CLVS1: variants seen among roughly 807,000 people sequenced by gnomAD.
CLVS1 encodes clavesin-1.
A neutral mutation model predicts 33.1 loss-of-function variants in CLVS1; 10 were observed. The observed-to-expected ratio is 0.30, with a 90% CI of 0.19 to 0.51. The LOEUF (loss-of-function observed/expected upper bound fraction) is 0.51. Ranked by LOEUF, CLVS1 falls within the 20% of genes least tolerant of loss-of-function variation. The probability of loss-of-function intolerance (pLI) is 0.97; values close to 1 mark genes in which losing one functional copy is unlikely to be tolerated. For synonymous variants in CLVS1, 163 were observed against 166.1 expected (o/e 0.98, Z 0.14); for missense variants, 343 against 433.4 (o/e 0.79, Z 1.85).
chr8:61,139,958 G>A (rs1434643749), intron 2 of CLVS1, among the ~76,000 whole-genome samples: 1 of 152,156 alleles, frequency 6.6e-6, no homozygotes, highest in Non-Finnish European at 1.5e-5. Context: ...ACACTGTGGA[G>A]GCTGAGCCAC....
chr8:61,138,873 G>C (rs1365632355), intron 2 of CLVS1, among the ~76,000 whole-genome samples: 1 of 152,248 alleles, frequency 6.6e-6, no homozygotes, highest in Non-Finnish European at 1.5e-5. Context: ...TGTACTACCA[G>C]GTGTTGGCTC....
the CLVS1 span, among the ~76,000 whole-genome samples, chr8:60,989,865 C>T: frequency 1.3e-5 from 2 of 151,918 alleles, no homozygotes; most frequent in African/African-American, 4.8e-5. Flanking sequence ...GTGACTCATG[C>T]CTGTAATACC....
At chr8:61,485,827 G>A (rs1039242792) in intron 5 of CLVS1, among the ~76,000 whole-genome samples, 1 of 152,042 alleles carries the variant, frequency 6.6e-6, no homozygotes, top group Non-Finnish European at 1.5e-5. Context: ...CCATCATTCT[G>A]AGCAAACTAT....
At chr8:61,343,874 C>T (rs755001959) in intron 2 of CLVS1, among the ~76,000 whole-genome samples, 6 of 152,146 alleles carry the variant, frequency 3.9e-5, no homozygotes, top group Non-Finnish European at 7.3e-5. Flanking sequence ...CTGTCATCAT[C>T]CTTAATCCAC....
At chr8:61,052,159 T>A (rs972134716), upstream of CLVS1, among the ~76,000 whole-genome samples, 2 of 152,232 alleles carry the variant, frequency 1.3e-5, no homozygotes, top group African/African-American at 4.8e-5. Flanking sequence ...AATTCATTCA[T>A]CAGTCATTGC....
At chr8:61,435,449 T>A (rs1481169360) in intron 3 of CLVS1, among the ~76,000 whole-genome samples, 2 of 152,188 alleles carry the variant, frequency 1.3e-5, no homozygotes, top group Non-Finnish European at 2.9e-5. Context: ...CTTGAATATT[T>A]TCATTCTTCG....
Position 61,397,669 on chromosome 8 carries a change from A to T in CLVS1, c.630+20890A>T, listed in dbSNP as rs143562422. On this transcript the variant is annotated intron_variant, in intron 3 of 5. Coordinates refer to ENST00000325897, the MANE Select transcript of CLVS1 (RefSeq NM_173519.3). ...ATTTAGATCTATAATCTATTTTGAG[A>T]TGACTTTTGTGTATGGTGTAAAGTA... 4.4e-3 allele frequency among the ~76,000 whole-genome samples: 667 copies of T among 152,242 alleles called. 10 individuals are homozygous for T. Among genetic ancestry groups the T allele is most frequent in the South Asian group, 0.038 (184 of 4,822 alleles).
chr8:61,300,382 A>C, intron 2 of CLVS1, 100 bp downstream of exon 2: 1 of 1,077,298 alleles, frequency 9.3e-7, no homozygotes. Context: ...GCTTTCATTA[A>C]AAAATATTTC....
intron 2 of CLVS1, among the ~76,000 whole-genome samples, chr8:61,370,059 A>G (rs151056748): frequency 1.3e-5 from 2 of 152,352 alleles, no homozygotes; most frequent in African/African-American, 4.8e-5. Context: ...TAACCAAGAC[A>G]TAGATATTTG....
chr8:61,086,660 T>C (rs1186080473), intron 1 of CLVS1, among the ~76,000 whole-genome samples: 1 of 152,198 alleles, frequency 6.6e-6, no homozygotes, highest in Non-Finnish European at 1.5e-5. Flanking sequence ...CATTTATTAA[T>C]GTTTTAGTAG....
At chr8:61,490,379 G>A (rs1242813420) in intron 5 of CLVS1, among the ~76,000 whole-genome samples, 1 of 151,650 alleles carries the variant, frequency 6.6e-6, no homozygotes, top group Non-Finnish European at 1.5e-5. Context: ...TTTATAAAAG[G>A]TAAATTGGGC....
intron 1 of CLVS1, among the ~76,000 whole-genome samples, chr8:61,073,788 G>A (rs866510007): frequency 3.7e-4 from 56 of 151,772 alleles, no homozygotes; most frequent in African/African-American, 1.2e-3. Flanking sequence ...CGAGGCAGGC[G>A]GATCACGAGG....
intron 2 of CLVS1, among the ~76,000 whole-genome samples, chr8:61,209,981 T>G (rs1229335425): frequency 2.0e-5 from 3 of 152,228 alleles, no homozygotes; most frequent in African/African-American, 7.2e-5. Flanking sequence ...AATTCTCTAA[T>G]AAATTGACTC....
the CLVS1 span, among the ~76,000 whole-genome samples, chr8:60,996,177 T>G: frequency 2.0e-5 from 3 of 152,188 alleles, no homozygotes; most frequent in Non-Finnish European, 2.9e-5. Flanking sequence ...AAAAAATTCT[T>G]TTTTGGCTGC....
At chr8:61,036,273 C>A in the CLVS1 span, among the ~76,000 whole-genome samples, 1 of 152,204 alleles carries the variant, frequency 6.6e-6, no homozygotes, top group Non-Finnish European at 1.5e-5. Flanking sequence ...GATTCGAGAA[C>A]AATGCAGCCT....
intron 1 of CLVS1, among the ~76,000 whole-genome samples, chr8:61,294,790 T>C (rs1810132888): frequency 6.6e-6 from 1 of 152,182 alleles, no homozygotes; most frequent in Non-Finnish European, 1.5e-5. Context: ...GAATAATAGA[T>C]CATAAAATTA....
chr8:61,173,536 T>C (rs186404162), intron 2 of CLVS1, among the ~76,000 whole-genome samples: 84 of 152,312 alleles, frequency 5.5e-4, no homozygotes, highest in African/African-American at 1.8e-3. Context: ...GTGGTATTGA[T>C]TGGTTCTGTC....
At chr8:61,211,588 T>C (rs1007417971) in intron 2 of CLVS1, among the ~76,000 whole-genome samples, 1 of 152,220 alleles carries the variant, frequency 6.6e-6, no homozygotes, top group Non-Finnish European at 1.5e-5. Context: ...GAGTCGTTCA[T>C]GATTTGCCAC....
chr8:61,485,769 A>G (rs2129608383), intron 5 of CLVS1, among the ~76,000 whole-genome samples: 1 of 152,380 alleles, frequency 6.6e-6, no homozygotes, highest in Non-Finnish European at 1.5e-5. Flanking sequence ...GCAGCCATAA[A>G]AAATGATGAG....
Sources: allele counts gnomAD v4.1 joint callset (sites outside exome capture counted in the v4.1 genomes callset), GRCh38; gene constraint gnomAD v4.1.1; transcripts MANE v1.5; gene names NCBI Gene and HGNC (gene_info 2026-07-23, HGNC 2026-07-21).